PCDHGB1: variants seen among roughly 807,000 people sequenced by gnomAD.
PCDHGB1 encodes the protein protocadherin gamma-B1.
PCDHGB1 carries 34 observed loss-of-function variants against 56.6 expected under a neutral mutation model. That is an observed-to-expected ratio of 0.60 (90% CI 0.46 to 0.80). PCDHGB1 has a LOEUF of 0.80. Ranked by LOEUF, PCDHGB1 falls within the 30% of genes least tolerant of loss-of-function variation. PCDHGB1 has a pLI of 0.00. For synonymous variants in PCDHGB1, 561 were observed against 505.9 expected (o/e 1.11, Z -1.46); for missense variants, 1,278 against 1,204.6 (o/e 1.06, Z -0.90).
At chr5:141,455,634 G>C (rs1429708887) in intron 1 of PCDHGB1, among the ~76,000 whole-genome samples, 1 of 152,110 alleles carries the variant, frequency 6.6e-6, no homozygotes. Context: ...GAGATATGTG[G>C]GGGGCAGCCA....
At chr5:141,356,162 C>T (rs779976582) in intron 1 of PCDHGB1, 20 of 1,613,176 alleles carry the variant, frequency 1.2e-5, no homozygotes, top group Non-Finnish European at 1.7e-5. Flanking sequence ...GATGTAGAAG[C>T]CCATGATGGG....
At chr5:141,443,662 C>A (rs1427397469) in intron 1 of PCDHGB1, among the ~76,000 whole-genome samples, 2 of 152,178 alleles carry the variant, frequency 1.3e-5, no homozygotes, top group African/African-American at 4.8e-5. Context: ...TAGCATTTTA[C>A]TGAACTAGTA....
intron 1 of PCDHGB1, chr5:141,357,012 G>C: frequency 6.2e-7 from 1 of 1,614,174 alleles, no homozygotes; most frequent in Non-Finnish European, 8.5e-7. Context: ...ATGCCTGGCT[G>C]TCCTACAGCC....
At chr5:141,423,773 T>A in intron 1 of PCDHGB1, 6 of 901,238 alleles carry the variant, frequency 6.7e-6, no homozygotes, top group Non-Finnish European at 7.3e-6. Flanking sequence ...GGGCGGCATA[T>A]ATTTAGTTCA....
intron 1 of PCDHGB1, chr5:141,479,269 A>G (rs1279389471): frequency 6.6e-6 from 1 of 152,374 alleles, no homozygotes; most frequent in African/African-American, 2.4e-5. Flanking sequence ...TAAAAGTAAT[A>G]ATTTATTTCA....
chr5:141,419,240 G>C (rs753956971), intron 1 of PCDHGB1: 1 of 1,613,980 alleles, frequency 6.2e-7, no homozygotes, highest in South Asian at 1.1e-5. Flanking sequence ...CCTGGTCCAC[G>C]TGCCAGAAAA....
chr5:141,404,982 G>GGATTA (rs1244941764), intron 1 of PCDHGB1: 10 of 1,613,938 alleles, frequency 6.2e-6, no homozygotes, highest in Non-Finnish European at 8.5e-6. Context: ...GACCTGGGCA[G>GGATTA]TCTTCAGATC....
chr5:141,474,608 T>G (rs1469173973), intron 1 of PCDHGB1, among the ~76,000 whole-genome samples: 1 of 152,268 alleles, frequency 6.6e-6, no homozygotes, highest in Non-Finnish European at 1.5e-5. Flanking sequence ...AGGTCACATA[T>G]GGCTTTTCAT....
chr5:141,477,175 A>T lies in PCDHGB1; in HGVS notation c.2410-17632A>T, dbSNP rs1338347224. On this transcript the variant is annotated intron_variant, in intron 1 of 3. Transcript: ENST00000523390. This position sits in a 1 kb window ranked among gnomAD's most constrained non-coding sequence, Gnocchi z 4.9. ...TGAATGACAACGCCCCGGAGATCAC[A>T]GTCACCTCCGTGTACAGCCCAGTAC... is the stretch of plus-strand genomic sequence containing the variant. The T allele has an allele frequency of 1.2e-6, 2 of 1,614,186 alleles. No individual in the cohort carries two copies. The highest frequency in any genetic ancestry group is 3.3e-5 in the Admixed American group (2 of 60,028).
At chr5:141,414,134 A>T in intron 1 of PCDHGB1, 1 of 1,595,028 alleles carries the variant, frequency 6.3e-7, no homozygotes, top group South Asian at 1.1e-5. Flanking sequence ...GGTTTCTATG[A>T]AATAGAAATA....
intron 1 of PCDHGB1, chr5:141,361,915 G>T: frequency 6.2e-7 from 1 of 1,608,488 alleles, no homozygotes; most frequent in Non-Finnish European, 8.5e-7. Flanking sequence ...GGTGGTGGCG[G>T]TGGACGCAGA....
At position 141,410,457 on chromosome 5, in the gene PCDHGB1, A is replaced by G. The variant is rs372920524; in HGVS notation, c.2409+57788A>G. 1.2e-6 allele frequency: 2 copies of G among 1,614,044 alleles called. No homozygotes were observed. ...AGTGAGGGGACTTTGCCTTATTCTTATAATCTGTGCATTGCACATACGGGT... is the reference window on the plus strand; with the variant it reads ...AGTGAGGGGACTTTGCCTTATTCTTGTAATCTGTGCATTGCACATACGGGT... On this transcript the variant is annotated intron_variant, in intron 1 of 3. Transcript: ENST00000523390.
chr5:141,360,535 A>G lies in PCDHGB1; in HGVS notation c.2409+7866A>G, dbSNP rs376637010. ...TATAAATGATAATACCCCGCTATTC[A>G]AACAGACTAAGATTAATTTAAAAAT... On this transcript the variant is annotated intron_variant, in intron 1 of 3. Coordinates refer to ENST00000523390, the MANE Select transcript of PCDHGB1 (RefSeq NM_018922.3). 1.9e-6 allele frequency: 3 copies of G among 1,613,976 alleles called. No homozygotes were observed. The South Asian group carries it at 3.3e-5, about 18-fold the overall frequency.
At position 141,427,172 on chromosome 5, in the gene PCDHGB1, TG is replaced by T. The variant is rs757372749; in HGVS notation, c.2410-67631del. ...ATATGTTTGTGCTAGACCATCAAAA[TG>T]GGGAAATTAAATCCAAAGACTTAAT... On this transcript the variant is annotated intron_variant, in intron 1 of 3. Coordinates refer to ENST00000523390, the MANE Select transcript of PCDHGB1 (RefSeq NM_018922.3). The T allele has an allele frequency of 3.9e-5, 18 of 456,596 alleles. 1 individual carries two copies. The highest frequency in any genetic ancestry group is 2.6e-4 in the South Asian group (17 of 64,568). 28.3% of individuals were successfully genotyped at this position (456,596 alleles called of 1,614,324 possible). A position where few individuals can be genotyped will look rare whatever the true frequency, so the allele number is the denominator to read the frequency against.
chr5:141,421,246 C>T (rs1047768415), intron 1 of PCDHGB1: 16 of 1,603,622 alleles, frequency 1.0e-5, no homozygotes, highest in Admixed American at 1.7e-5. Flanking sequence ...TCGGCTACAG[C>T]GCGGGGACCG....
chr5:141,362,722 T>C, intron 1 of PCDHGB1: 3 of 871,460 alleles, frequency 3.4e-6, no homozygotes, highest in Non-Finnish European at 5.1e-6. Context: ...CTCTCTGAAG[T>C]GTGAGATTTA....
intron 1 of PCDHGB1, chr5:141,371,396 GAT>G (rs1767721375): frequency 6.2e-7 from 1 of 1,613,880 alleles, no homozygotes; most frequent in Non-Finnish European, 8.5e-7. Context: ...GTAAAGTACA[GAT>G]AGATATTTCA....
At chr5:141,364,102 A>G in intron 1 of PCDHGB1, 1 of 409,744 alleles carries the variant, frequency 2.4e-6, no homozygotes, top group Non-Finnish European at 4.3e-6. Context: ...TGATGCAGTC[A>G]CTGGTTAGGA....
intron 1 of PCDHGB1, chr5:141,423,833 T>G: frequency 1.8e-5 from 23 of 1,262,362 alleles, no homozygotes; most frequent in East Asian, 7.3e-5. Flanking sequence ...TTCATGAGAT[T>G]ACGATAATCT....
Sources: allele counts gnomAD v4.1 joint callset (sites outside exome capture counted in the v4.1 genomes callset), GRCh38; gene constraint gnomAD v4.1.1; non-coding constraint Gnocchi (gnomAD v3.1); transcripts MANE v1.5; gene names NCBI Gene and HGNC (gene_info 2026-07-23, HGNC 2026-07-21).